The following ADAR variants were observed in gnomAD, a reference collection of about 807,000 sequenced individuals.
ADAR encodes double-stranded RNA-specific adenosine deaminase.
A neutral mutation model predicts 113.2 loss-of-function variants in ADAR; 41 were observed. The ratio of observed to expected loss-of-function variants is 0.36; its 90% CI spans 0.28 to 0.47. The LOEUF is 0.47. Among genes scored for constraint, ADAR ranks in the 20% least tolerant of loss-of-function variants. The pLI, the probability that ADAR is intolerant of heterozygous loss-of-function variation, is 1.00. For missense variants in ADAR, 1,242 were observed against 1,540.9 expected, an observed-to-expected ratio of 0.81 and a Z score of 3.25; for synonymous variants, 605 against 572.6, an observed-to-expected ratio of 1.06 and a Z score of -0.81.
chr1:154,616,272 C>A (rs1030421397), intron 1 of ADAR, among the ~76,000 whole-genome samples: 1 of 152,146 alleles, frequency 6.6e-6, no homozygotes, highest in Non-Finnish European at 1.5e-5. Flanking sequence ...TTGATGGCTT[C>A]CTAATGCTCT....
intron 9 of ADAR, 146 bp from the exon 10 acceptor site, chr1:154,588,819 G>T (rs1278130935): frequency 1.7e-6 from 2 of 1,167,342 alleles, no homozygotes; most frequent in East Asian, 2.4e-5. Context: ...TTCTCCAGGG[G>T]AGACCTCAGC....
chr1:154,609,107 A>G (rs779757245), upstream of ADAR, among the ~76,000 whole-genome samples: 2 of 152,244 alleles, frequency 1.3e-5, no homozygotes, highest in Non-Finnish European at 2.9e-5. Context: ...TTGCAGGTGT[A>G]GAAACCGAGG....
At chr1:154,602,668 G>C (rs764522855) in intron 1 of ADAR, 42 bp from the exon 2 acceptor site, 5 of 1,607,202 alleles carry the variant, frequency 3.1e-6, no homozygotes. Context: ...AATTAGGGCT[G>C]CAGTGGTGAA....
At chr1:154,592,830 C>T (rs904976220) in intron 6 of ADAR, among the ~76,000 whole-genome samples, 8 of 151,542 alleles carry the variant, frequency 5.3e-5, no homozygotes, top group Middle Eastern at 3.4e-3. Flanking sequence ...TGAGTGGTCT[C>T]CAGCATTTAG....
chr1:154,603,021 A>C (rs953687084), intron 1 of ADAR, among the ~76,000 whole-genome samples: 6 of 152,240 alleles, frequency 3.9e-5, no homozygotes, highest in African/African-American at 1.4e-4. Context: ...TGAAAACAAA[A>C]ACAGAATAAC....
At chr1:154,593,404 A>G in intron 6 of ADAR, among the ~76,000 whole-genome samples, 1 of 152,156 alleles carries the variant, frequency 6.6e-6, no homozygotes, top group East Asian at 1.9e-4. Flanking sequence ...GCACATTTCA[A>G]TACTGCTATG....
chr1:154,607,733 G>GCACA lies in ADAR; in HGVS notation c.15+255_15+258dup, dbSNP rs551880161. On this transcript the variant is annotated intron_variant, in intron 1 of 14. Transcript: ENST00000368474. ...CTGCTTGGCAAGACTACACACACAC[G>GCACA]CACACACACACACACACACTCTCAC... 0.023 allele frequency among the ~76,000 whole-genome samples: 1,716 copies of GCACA among 74,882 alleles called. 48 individuals carry two copies. The highest frequency in any genetic ancestry group is 0.064 in the African/African-American group (1,598 of 24,922). 49.1% of individuals were successfully genotyped at this position (74,882 alleles called of 152,430 possible).
intron 12 of ADAR, 91 bp from the exon 13 acceptor site, chr1:154,585,956 T>C (rs1696731119): frequency 7.7e-7 from 1 of 1,304,754 alleles, no homozygotes; most frequent in Non-Finnish European, 1.1e-6. Context: ...AGGTACAAGA[T>C]ATAGTTGTCA....
upstream of ADAR, among the ~76,000 whole-genome samples, chr1:154,608,518 T>A (rs906750110): frequency 6.9e-6 from 1 of 145,090 alleles, no homozygotes; most frequent in Admixed American, 6.9e-5. Context: ...TTTTTTGTAT[T>A]TTTAGTAAGA....
chr1:154,585,447 G>T, intron 13 of ADAR, 103 bp from the exon 14 acceptor site: 1 of 1,544,468 alleles, frequency 6.5e-7, no homozygotes, highest in East Asian at 2.3e-5. Flanking sequence ...GTGGGGTCAT[G>T]ATCTTTCCCC....
At chr1:154,608,279 A>C, upstream of ADAR, 1 of 493,690 alleles carries the variant, frequency 2.0e-6, no homozygotes, top group Non-Finnish European at 3.5e-6. Flanking sequence ...GCTTGGTTTC[A>C]GGCCGGTTAC....
chr1:154,597,746 T>A lies in ADAR; in HGVS notation c.1934+82A>T, dbSNP rs1697596920. On this transcript the variant is annotated intron_variant, in intron 4 of 14. Transcript: ENST00000368474. ...ACAGGAGAAATTGGTCAATCTGCCATCCCTGAGGAGGCAAGGAAGAAAATG... is the reference window on the plus strand; with the variant it reads ...ACAGGAGAAATTGGTCAATCTGCCAACCCTGAGGAGGCAAGGAAGAAAATG... The A allele has an allele frequency of 3.2e-6, 5 of 1,580,018 alleles. No homozygotes were observed. In the South Asian group the frequency reaches 3.3e-5, roughly 11 times the overall value.
chr1:154,622,711 C>T (rs1385975913), intron 1 of ADAR, among the ~76,000 whole-genome samples: 1 of 152,296 alleles, frequency 6.6e-6, no homozygotes, highest in African/African-American at 2.4e-5. Context: ...TGCCATGGTA[C>T]TCAAGTTTCA....
At chr1:154,597,380 C>A in intron 4 of ADAR, 113 bp from the exon 5 acceptor site, 3 of 1,286,982 alleles carry the variant, frequency 2.3e-6, no homozygotes, top group Non-Finnish European at 2.2e-6. Flanking sequence ...GAACACATCA[C>A]CTCTGTGCAG....
chr1:154,586,213 AG>A lies in ADAR; in HGVS notation c.3169del (p.Leu1057CysfsTer20). 2 of 1,614,234 alleles carry A rather than the reference AG, an allele frequency of 1.2e-6. No individual in the cohort carries two copies. Among genetic ancestry groups the A allele is most frequent in the Non-Finnish European group, 1.7e-6 (2 of 1,180,032 alleles). ...GLQGALLTHF[L>X]QPIYLKSVTL... ...GACAGATTTGAGATAAATGGGCTGCAGGAAGTGGGTCAACAGTGCCCCTTGC... is the reference window on the plus strand; with the variant it reads ...GACAGATTTGAGATAAATGGGCTGCAGAAGTGGGTCAACAGTGCCCCTTGC... On this transcript the variant is annotated frameshift_variant, in exon 12 of 15. Coordinates refer to ENST00000368474, the MANE Select transcript of ADAR (RefSeq NM_001111.5). LOFTEE classifies it high-confidence loss of function.
Position 154,595,318 on chromosome 1 carries a change from A to C in ADAR, c.2270+1487T>G, listed in dbSNP as rs181993018. Among the ~76,000 whole-genome samples, 41 of 152,340 alleles carry C rather than the reference A, an allele frequency of 2.7e-4. 1 individual carries two copies. In the East Asian group the frequency reaches 6.4e-3, roughly 24 times the overall value. On this transcript the variant is annotated intron_variant, in intron 6 of 14. Transcript: ENST00000368474. ...TAACTAAAAAAAGCCTCAGGCAGGT[A>C]TTCCAGAAAGCACTGTTACCATAGG... is the stretch of plus-strand genomic sequence containing the variant.
chr1:154,624,340 TAAGTCTGATA>T (rs1287207365), intron 1 of ADAR, among the ~76,000 whole-genome samples: 7 of 152,144 alleles, frequency 4.6e-5, no homozygotes, highest in East Asian at 1.9e-4. Flanking sequence ...TCTCACCTAT[TAAGTCTGATA>T]AAGTCTGATA....
At chr1:154,588,813 C>A in intron 9 of ADAR, 140 bp from the exon 10 acceptor site, 1 of 1,192,042 alleles carries the variant, frequency 8.4e-7, no homozygotes, top group Non-Finnish European at 1.2e-6. Context: ...TGGAAATTCT[C>A]CAGGGGAGAC....
At chr1:154,621,708 G>C (rs1225406596) in intron 1 of ADAR, among the ~76,000 whole-genome samples, 1 of 152,144 alleles carries the variant, frequency 6.6e-6, no homozygotes, top group Non-Finnish European at 1.5e-5. Flanking sequence ...CTCAGTTCTG[G>C]AGAGGAGGGT....
Sources: allele counts gnomAD v4.1 joint callset (sites outside exome capture counted in the v4.1 genomes callset), GRCh38; gene constraint gnomAD v4.1.1; transcripts MANE v1.5; gene names NCBI Gene and HGNC (gene_info 2026-07-23, HGNC 2026-07-21).